Variants in AJAP1 observed in about 807,000 individuals in gnomAD.
AJAP1 encodes adherens junctions associated protein 1, also known as adherens junction-associated protein 1.
In AJAP1, 5 loss-of-function variants were observed where a neutral mutation model predicts 35.0. The observed-to-expected ratio is 0.14, with a 90% CI of 0.07 to 0.30. AJAP1 has a LOEUF of 0.30. Among genes scored for constraint, AJAP1 ranks in the 10% least tolerant of loss-of-function variants. AJAP1 has a pLI of 1.00. For synonymous variants in AJAP1, 284 were observed against 249.3 expected, an observed-to-expected ratio of 1.14 and a Z score of -1.31; for missense variants, 586 against 571.0, an observed-to-expected ratio of 1.03 and a Z score of -0.27.
At chr1:4,761,237 C>T (rs443850) in intron 2 of AJAP1, among the ~76,000 whole-genome samples, 34,527 of 152,182 alleles carry the variant, frequency 0.23, 4,314 homozygotes, top group Middle Eastern at 0.33. Flanking sequence ...GAGATTTTGC[C>T]AAGAAGATGG....
chr1:4,767,852 A>G (rs1641723493), intron 2 of AJAP1, among the ~76,000 whole-genome samples: 1 of 152,200 alleles, frequency 6.6e-6, no homozygotes, highest in Non-Finnish European at 1.5e-5. Context: ...GTGTGTGGGT[A>G]GAGAGCAAGA....
At chr1:4,665,221 T>C (rs1270753725) in intron 1 of AJAP1, among the ~76,000 whole-genome samples, 1 of 152,160 alleles carries the variant, frequency 6.6e-6, no homozygotes, top group African/African-American at 2.4e-5. Flanking sequence ...GAGCCAATTA[T>C]GCGAGACAAG....
intron 2 of AJAP1, among the ~76,000 whole-genome samples, chr1:4,717,664 C>G (rs1297154556): frequency 6.6e-6 from 1 of 152,312 alleles, no homozygotes; most frequent in East Asian, 1.9e-4. Context: ...CCTCGGTAAG[C>G]ACAGGTGACA....
rs1640287944 is a variant in AJAP1 at position 4,712,605 on chromosome 1, G to A, written c.735G>A (p.Arg245=). 1.2e-6 allele frequency: 2 copies of A among 1,600,868 alleles called. No homozygotes were observed. Among genetic ancestry groups the A allele is most frequent in the African/African-American group, 2.7e-5 (2 of 74,662 alleles). ...CCGAGTCCTTGGATCCCCGGAGAAG[G>A]ATCCCAGGTGGGGTTAGCACAACGG... is the stretch of plus-strand genomic sequence containing the variant. ...GFTESLDPRR[R]IPGGVSTTEP... is the part of the protein sequence containing the mutation. The change falls in exon 2 of 6, where the codon AGG becomes AGA. Residue 245 remains arginine, a synonymous_variant. Transcript: ENST00000378191.
intron 1 of AJAP1, among the ~76,000 whole-genome samples, chr1:4,670,371 TG>T (rs1410758326): frequency 6.6e-6 from 1 of 152,242 alleles, no homozygotes. Flanking sequence ...ATCTTATTCT[TG>T]GTGCCTTTTC....
In AJAP1 at chr1:4,712,422, G is replaced by T; in HGVS notation, c.552G>T (p.Gly184=). 2.5e-6 allele frequency: 4 copies of T among 1,601,054 alleles called. No individual in the cohort carries two copies. The highest frequency in any genetic ancestry group is 4.5e-5 in the East Asian group (2 of 44,380). The change falls in exon 2 of 6, where the codon GGG becomes GGT. Residue 184 remains glycine (G), a synonymous_variant. Coordinates refer to ENST00000378191, the MANE Select transcript of AJAP1 (RefSeq NM_018836.4). Reference sequence around the variant, plus strand: ...CAGAGACTGAGTTCATCGCCTGGGGGCCCACGGGGGACGAGGAGGCCCTGG... The same window carrying T: ...CAGAGACTGAGTTCATCGCCTGGGGTCCCACGGGGGACGAGGAGGCCCTGG... ...PTTETEFIAW[G]PTGDEEALES... is the part of the protein sequence containing the mutation.
chr1:4,715,435 C>T (rs957139582), intron 2 of AJAP1, among the ~76,000 whole-genome samples: 1 of 152,306 alleles, frequency 6.6e-6, no homozygotes, highest in African/African-American at 2.4e-5. Flanking sequence ...CCTATAATCC[C>T]GACATTGGGA....
chr1:4,701,455 T>G (rs1185384041), intron 1 of AJAP1, among the ~76,000 whole-genome samples: 3 of 152,176 alleles, frequency 2.0e-5, no homozygotes, highest in Non-Finnish European at 4.4e-5. Flanking sequence ...GAGAGCTGCA[T>G]GGCCTGCAAG....
chr1:4,712,384 A>T lies in AJAP1; in HGVS notation c.514A>T (p.Ser172Cys). Residue 172 changes from serine to cysteine, a missense_variant, in exon 2 of 6, where the codon AGC (serine) becomes TGC (cysteine). Coordinates refer to ENST00000378191, the MANE Select transcript of AJAP1 (RefSeq NM_018836.4). ...TCTCAGCAGCTTCGACTCCAGAGGC[A>T]GCCGGCCCACCACAGAGACTGAGTT... ...DGLSSFDSRG[S>C]RPTTETEFIA... 6.4e-7 allele frequency: 1 copy of T among 1,554,318 alleles called. No homozygotes were observed.
intron 1 of AJAP1, among the ~76,000 whole-genome samples, chr1:4,695,036 G>C (rs932552780): frequency 1.3e-5 from 2 of 152,150 alleles, no homozygotes; most frequent in Non-Finnish European, 2.9e-5. Flanking sequence ...CTCTACACTG[G>C]GGGTACTTTG....
intron 2 of AJAP1, among the ~76,000 whole-genome samples, chr1:4,721,374 G>A (rs1640512630): frequency 6.6e-6 from 1 of 152,208 alleles, no homozygotes; most frequent in Non-Finnish European, 1.5e-5. Flanking sequence ...TTCTTGGTCT[G>A]TGTGTAAAGG....
intron 2 of AJAP1, among the ~76,000 whole-genome samples, chr1:4,725,762 C>T (rs980347064): frequency 7.2e-5 from 11 of 152,120 alleles, no homozygotes; most frequent in African/African-American, 2.4e-4. Context: ...CCTCCCAAGG[C>T]CTCTCTCCTT....
At chr1:4,659,516 G>A (rs922081370) in intron 1 of AJAP1, among the ~76,000 whole-genome samples, 1 of 152,108 alleles carries the variant, frequency 6.6e-6, no homozygotes, top group African/African-American at 2.4e-5. Flanking sequence ...ACATAATTCA[G>A]ATTAACTCTC....
chr1:4,739,967 G>A (rs1157412484), intron 2 of AJAP1, among the ~76,000 whole-genome samples: 3 of 152,140 alleles, frequency 2.0e-5, no homozygotes, highest in African/African-American at 4.8e-5. Flanking sequence ...GCCACTCCCC[G>A]TCCAGCTCAC....
chr1:4,667,829 A>C (rs556948993), intron 1 of AJAP1, among the ~76,000 whole-genome samples: 5 of 152,318 alleles, frequency 3.3e-5, no homozygotes, highest in African/African-American at 4.8e-5. Flanking sequence ...CCTGAGACAC[A>C]AGGCAATGAG....
At chr1:4,750,182 G>T (rs1439546011) in intron 2 of AJAP1, among the ~76,000 whole-genome samples, 1 of 152,108 alleles carries the variant, frequency 6.6e-6, no homozygotes, top group Non-Finnish European at 1.5e-5. Context: ...GTGTGTATGT[G>T]TGCATGCCCA....
intron 1 of AJAP1, among the ~76,000 whole-genome samples, chr1:4,701,852 G>A (rs1639995787): frequency 6.6e-6 from 1 of 152,160 alleles, no homozygotes; most frequent in Non-Finnish European, 1.5e-5. Context: ...GATGCAGGGT[G>A]GCACCTGCCA....
In AJAP1 at chr1:4,753,644, C is replaced by G. The variant is rs896036177; in HGVS notation, c.830-16209C>G. On this transcript the variant is annotated intron_variant, in intron 2 of 5. Transcript: ENST00000378191. ...CTGGAGTGCAATGGCATGATCTCAG[C>G]TCACCGCAACCTCCGCCTCCTGGGT... Among the ~76,000 whole-genome samples the G allele has an allele frequency of 7.2e-5, 11 of 152,296 alleles. No individual in the cohort carries two copies. In the East Asian group the frequency reaches 1.7e-3, roughly 24 times the overall value.
chr1:4,770,745 G>C (rs911660231), intron 3 of AJAP1, among the ~76,000 whole-genome samples: 22 of 152,180 alleles, frequency 1.4e-4, no homozygotes, highest in African/African-American at 5.1e-4. Context: ...AATCACAGGG[G>C]AACACAAGAA....
Sources: gnomAD v4.1 joint callset for allele counts (sites outside exome capture counted in the v4.1 genomes callset) on GRCh38, gnomAD v4.1.1 for gene constraint, MANE v1.5 for transcripts, NCBI Gene and HGNC (gene_info 2026-07-23, HGNC 2026-07-21) for gene names.